ERICH3: variants seen among roughly 807,000 people sequenced by gnomAD.
The protein encoded by ERICH3 is glutamate rich 3, also known as glutamate-rich protein 3.
In ERICH3, 126 loss-of-function variants were observed where a neutral mutation model predicts 131.1. The ratio of observed to expected loss-of-function variants is 0.96; its 90% confidence interval spans 0.83 to 1.11. The LOEUF (loss-of-function observed/expected upper bound fraction) is 1.11, where lower values mean the gene tolerates loss of function less well. ERICH3 is among the 50% of genes most tolerant of loss of function. The pLI is 0.00. For synonymous variants in ERICH3, 695 were observed against 644.6 expected (o/e 1.08, Z -1.18); for missense variants, 2,050 against 1,810.7 (o/e 1.13, Z -2.40).
At chr1:74,650,043 A>G (rs547181218) in intron 1 of ERICH3, among the ~76,000 whole-genome samples, 1 of 152,108 alleles carries the variant, frequency 6.6e-6, no homozygotes, top group Admixed American at 6.6e-5. Context: ...CCTACTGATG[A>G]TATTTGTCAT....
intron 12 of ERICH3, among the ~76,000 whole-genome samples, chr1:74,586,927 CTA>C (rs1370473368): frequency 1.3e-5 from 2 of 152,066 alleles, no homozygotes; most frequent in South Asian, 2.1e-4. Context: ...TGTGATAAAC[CTA>C]TGAGTAATTT....
chr1:74,612,945 C>A (rs933265762), intron 8 of ERICH3, 136 bp from the exon 9 acceptor site: 8 of 613,508 alleles, frequency 1.3e-5, no homozygotes, highest in Admixed American at 3.2e-5. Context: ...TTCCCTGGTC[C>A]ACACTGGAAG....
chr1:74,647,656 C>T (rs572334431), intron 2 of ERICH3, among the ~76,000 whole-genome samples: 32 of 152,128 alleles, frequency 2.1e-4, no homozygotes, highest in African/African-American at 6.5e-4. Context: ...GTTACCCATA[C>T]GGATTGTTCA....
chr1:74,660,668 GTA>G (rs1230452401), intron 1 of ERICH3, among the ~76,000 whole-genome samples: 1 of 147,718 alleles, frequency 6.8e-6, no homozygotes, highest in South Asian at 2.1e-4. Flanking sequence ...GTATACAAGT[GTA>G]TATGTGTATA....
At position 74,646,670 on chromosome 1, in the gene ERICH3, C is replaced by A; in HGVS notation, c.240G>T (p.Met80Ile). 1.5e-6 allele frequency: 2 copies of A among 1,320,348 alleles called. No homozygotes were observed. Among genetic ancestry groups the A allele is most frequent in the Middle Eastern group, 2.5e-4 (1 of 4,038 alleles). 81.8% of individuals were successfully genotyped at this position (1,320,348 alleles called of 1,614,324 possible). ...AAAAATAAGTATATATTTTTACCTCCATATCAAGAACTTTATGAAAAATTG... is the reference window on the plus strand; with the variant it reads ...AAAAATAAGTATATATTTTTACCTCAATATCAAGAACTTTATGAAAAATTG... ...AQAIFHKVLD[M>I]ERYHQLEIKK... The change falls in exon 3 of 15, where the codon ATG becomes ATT. Residue 80 changes from methionine (M) to isoleucine (I), a missense_variant. Transcript: ENST00000326665.
Position 74,573,412 on chromosome 1 carries a change from C to A in ERICH3, c.2298G>T (p.Thr766=), listed in dbSNP as rs143908474. 2 of 1,586,704 alleles carry A rather than the reference C, an allele frequency of 1.3e-6. No individual in the cohort carries two copies. The highest frequency in any genetic ancestry group is 1.9e-5 in the Admixed American group (1 of 53,198). Residue 766 remains threonine (T), a synonymous_variant, in exon 14 of 15, where the codon ACG becomes ACT. Transcript: ENST00000326665. The part of the protein sequence containing the change: ...NKESQQLVQK[T]YTLEKKEAME... ...TTGCTTCTTTCTTCTCCAGTGTATA[C>A]GTTTTTTGCACCAATTGCTGGGATT...
intron 11 of ERICH3, 59 bp from the exon 12 acceptor site, chr1:74,590,139 T>C (rs1208618547): frequency 4.4e-6 from 6 of 1,367,810 alleles, no homozygotes; most frequent in Non-Finnish European, 2.9e-6. Context: ...GGTTTAATTG[T>C]AAAAATTATG....
intron 6 of ERICH3, 140 bp downstream of exon 6, chr1:74,636,140 A>G (rs1646386998): frequency 3.0e-6 from 2 of 664,852 alleles, no homozygotes. Context: ...AATCACAAGT[A>G]TGTAGTAAGT....
chr1:74,632,278 A>G (rs1188932363), intron 6 of ERICH3, among the ~76,000 whole-genome samples: 1 of 152,064 alleles, frequency 6.6e-6, no homozygotes, highest in African/African-American at 2.4e-5. Context: ...CCAGTTAGCA[A>G]TAGGAAATTA....
chr1:74,634,903 A>G (rs1020691762), intron 6 of ERICH3: 1 of 415,574 alleles, frequency 2.4e-6, no homozygotes, highest in Admixed American at 4.3e-5. Flanking sequence ...ATCTCCCCTC[A>G]TTCTGATTCC....
intron 12 of ERICH3, among the ~76,000 whole-genome samples, chr1:74,578,872 T>A (rs1353745072): frequency 6.6e-6 from 1 of 152,184 alleles, no homozygotes; most frequent in African/African-American, 2.4e-5. Context: ...GTGAAATACC[T>A]GCCTTAAATC....
intron 1 of ERICH3, among the ~76,000 whole-genome samples, chr1:74,659,495 AT>A (rs947978249): frequency 1.3e-5 from 2 of 152,156 alleles, no homozygotes; most frequent in African/African-American, 2.4e-5. Flanking sequence ...TAGAGTACTT[AT>A]TTTGTGCAAT....
At chr1:74,605,872 T>C (rs889050111) in intron 10 of ERICH3, among the ~76,000 whole-genome samples, 2 of 151,892 alleles carry the variant, frequency 1.3e-5, no homozygotes, top group African/African-American at 4.8e-5. Flanking sequence ...TGATAGACTT[T>C]GGTGCAGGGT....
intron 11 of ERICH3, among the ~76,000 whole-genome samples, chr1:74,591,555 A>G (rs1647606569): frequency 6.6e-6 from 1 of 152,188 alleles, no homozygotes; most frequent in Admixed American, 6.6e-5. Context: ...AAGATGGGAA[A>G]TGGGTGAACA....
intron 7 of ERICH3, chr1:74,622,882 G>T (rs1363818151): frequency 1.3e-5 from 2 of 151,852 alleles, no homozygotes; most frequent in African/African-American, 4.8e-5. Context: ...CTTTTCTCTT[G>T]GGTCTCATTA....
At chr1:74,597,627 A>G (rs1158434818) in intron 11 of ERICH3, among the ~76,000 whole-genome samples, 2 of 152,030 alleles carry the variant, frequency 1.3e-5, no homozygotes, top group Non-Finnish European at 2.9e-5. Flanking sequence ...GCTAGATATC[A>G]TGGCACTAAC....
At chr1:74,573,528 T>C in intron 13 of ERICH3, 37 bp from the exon 14 acceptor site, 1 of 1,482,980 alleles carries the variant, frequency 6.7e-7, no homozygotes, top group South Asian at 1.4e-5. Flanking sequence ...ATTACTTTAA[T>C]CCAAGCGAAC....
In ERICH3 at chr1:74,571,399, CAGGGCTCCTGG is replaced by C; in HGVS notation, c.4300_4310del (p.Pro1434GlyfsTer35). 1 of 1,614,030 alleles carries C rather than the reference CAGGGCTCCTGG, an allele frequency of 6.2e-7. No homozygotes were observed. Among genetic ancestry groups the C allele is most frequent in the Non-Finnish European group, 8.5e-7 (1 of 1,179,988 alleles). On this transcript the variant is annotated frameshift_variant, in exon 14 of 15. Transcript: ENST00000326665. LOFTEE classifies it high-confidence loss of function. ...GTCCTAGCCCTGAGGTCTTCCGCTC[CAGGGCTCCTGG>C]AGTGCCCACCCCAGCCTCTGTTGTA...
At chr1:74,589,287 A>G (rs1033950648) in intron 12 of ERICH3, 2 of 407,570 alleles carry the variant, frequency 4.9e-6, no homozygotes, top group Non-Finnish European at 8.7e-6. Flanking sequence ...AACAAATAGT[A>G]TTTCTAGTAT....
Sources: gnomAD v4.1 joint callset for allele counts (sites outside exome capture counted in the v4.1 genomes callset) on GRCh38, gnomAD v4.1.1 for gene constraint, MANE v1.5 for transcripts, NCBI Gene and HGNC (gene_info 2026-07-23, HGNC 2026-07-21) for gene names.